The following DMBT1 variants were observed in gnomAD, a reference collection of about 807,000 sequenced individuals.
DMBT1 encodes scavenger receptor cysteine-rich domain-containing protein DMBT1.
DMBT1 carries 198 observed loss-of-function variants against 252.9 expected under a neutral mutation model. The ratio of observed to expected loss-of-function variants is 0.78; its 90% confidence interval spans 0.70 to 0.88. The LOEUF (loss-of-function observed/expected upper bound fraction) is 0.88. Among genes scored for constraint, DMBT1 ranks in the 40% least tolerant of loss-of-function variants. The pLI is 0.00. For synonymous variants in DMBT1, 990 were observed against 942.7 expected (o/e 1.05, Z -0.92); for missense variants, 2,432 against 2,404.7 (o/e 1.01, Z -0.24).
intron 51 of DMBT1, 75 bp from the exon 52 acceptor site, chr10:122,633,116 A>C (rs1230496210): frequency 1.3e-6 from 2 of 1,547,016 alleles, no homozygotes; most frequent in Non-Finnish European, 1.7e-6. Flanking sequence ...AGTAATTTAA[A>C]TTTAAAGTAG....
intron 25 of DMBT1, 116 bp from the exon 26 acceptor site, chr10:122,598,658 G>A: frequency 6.4e-7 from 1 of 1,565,186 alleles, no homozygotes; most frequent in Admixed American, 1.8e-5. Flanking sequence ...CATATTCAAA[G>A]GTGACTGCCT....
rs1330101358 is a variant in DMBT1, at chr10:122,640,395, C to T, written c.7298C>T (p.Ala2433Val). 1 of 1,614,008 alleles carries T rather than the reference C, an allele frequency of 6.2e-7. No homozygotes were observed. The highest frequency in any genetic ancestry group is 1.1e-5 in the South Asian group (1 of 91,082). The change falls in exon 55 of 56, where the codon GCA becomes GTA. Residue 2433 changes from alanine (A) to valine (V), a missense_variant. This residue lies in a region of DMBT1 where 1,162 missense variants were observed against 1,169.0 expected (regional missense o/e 0.99). Transcript: ENST00000338354. Reference protein sequence around the residue: ...VLTLFVDTCVASPYSNDFTSL... With the variant: ...VLTLFVDTCVVSPYSNDFTSL... The stretch of plus-strand genomic sequence containing the variant: ...ACCTTGTTTGTGGACACCTGCGTGG[C>T]ATCACCATACTCCAATGACTTCACG...
chr10:122,624,400 G>A (rs2098099666), intron 44 of DMBT1, among the ~76,000 whole-genome samples: 1 of 152,212 alleles, frequency 6.6e-6, no homozygotes, highest in Admixed American at 6.5e-5. Flanking sequence ...TTCCGTCAAT[G>A]TCTATGCTGC....
chr10:122,618,704 C>A (rs914898792), intron 41 of DMBT1, among the ~76,000 whole-genome samples: 2 of 152,216 alleles, frequency 1.3e-5, no homozygotes, highest in Non-Finnish European at 2.9e-5. Flanking sequence ...GGGAGGGATC[C>A]TCTCACTACA....
intron 19 of DMBT1, among the ~76,000 whole-genome samples, chr10:122,591,798 C>A (rs1299120439): frequency 6.7e-6 from 1 of 149,210 alleles, no homozygotes; most frequent in Non-Finnish European, 1.5e-5. Flanking sequence ...ACTCCTGGGA[C>A]CTCATTCCTG....
chr10:122,600,007 A>C, intron 26 of DMBT1, 57 bp from the exon 27 acceptor site: 2 of 1,590,878 alleles, frequency 1.3e-6, no homozygotes, highest in Non-Finnish European at 1.7e-6. Flanking sequence ...TCCTCGTTCC[A>C]CTTTGCCGAC....
intron 1 of DMBT1, among the ~76,000 whole-genome samples, chr10:122,562,889 A>G (rs1364732008): frequency 6.6e-6 from 1 of 152,222 alleles, no homozygotes; most frequent in African/African-American, 2.4e-5. Flanking sequence ...TGAGGCTCAG[A>G]AAGGTTATTG....
At chr10:122,572,129 G>T (rs2981800) in intron 4 of DMBT1, among the ~76,000 whole-genome samples, 185 bp from the exon 5 acceptor site, 97,339 of 152,032 alleles carry the variant, frequency 0.64, 31,642 homozygotes, top group Admixed American at 0.73. Flanking sequence ...TGCTTGTGCG[G>T]CACCTTGGCC....
At chr10:122,639,719 C>T (rs2133699341) in intron 54 of DMBT1, among the ~76,000 whole-genome samples, 1 of 152,308 alleles carries the variant, frequency 6.6e-6, no homozygotes, top group Middle Eastern at 3.4e-3. Flanking sequence ...TTTATTGTGA[C>T]AACTGTTGGC....
Position 122,633,228 on chromosome 10 carries a change from A to G in DMBT1, c.6435A>G (p.Ser2145=). Residue 2145 remains serine, a synonymous_variant, in exon 52 of 56, where the codon TCA becomes TCG. Transcript: ENST00000338354. The part of the protein sequence containing the change: ...YSCGGFLSQP[S]GDFSSPFYPG... ...GCGGAGGCTTCCTATCCCAACCATC[A>G]GGGGACTTTTCCAGCCCATTCTATC... The G allele has an allele frequency of 6.2e-7, 1 of 1,614,038 alleles. No homozygotes were observed. Among genetic ancestry groups the G allele is most frequent in the Non-Finnish European group, 8.5e-7 (1 of 1,179,890 alleles).
At chr10:122,575,338 T>C (rs1373636919) in intron 6 of DMBT1, among the ~76,000 whole-genome samples, 1 of 152,158 alleles carries the variant, frequency 6.6e-6, no homozygotes, top group Admixed American at 6.5e-5. Flanking sequence ...TACAGAAATA[T>C]TTCCTCCCCA....
In DMBT1 at chr10:122,599,400, C is replaced by T. The variant is rs575020418; in HGVS notation, c.3280+303C>T. On this transcript the variant is annotated intron_variant, in intron 26 of 55. Coordinates refer to ENST00000338354, the MANE Select transcript of DMBT1 (RefSeq NM_001377530.1). ...TCCATTTCTCCCCTGCTGAGTAGCA[C>T]GGTGTGAGGGTATAATGGATGCAGG... 2.2e-3 allele frequency among the ~76,000 whole-genome samples: 335 copies of T among 152,234 alleles called. 1 individual carries two copies. The highest frequency in any genetic ancestry group is 7.4e-3 in the African/African-American group (306 of 41,544).
chr10:122,564,583 C>T (rs1004683273), intron 1 of DMBT1, among the ~76,000 whole-genome samples: 36 of 150,696 alleles, frequency 2.4e-4, no homozygotes, highest in Admixed American at 4.6e-4. Flanking sequence ...GTATCACATA[C>T]ATTTTGGTAT....
intron 5 of DMBT1, 129 bp from the exon 6 acceptor site, chr10:122,573,576 ACATGGTTGGC>A: frequency 9.5e-7 from 1 of 1,056,834 alleles, no homozygotes; most frequent in Non-Finnish European, 1.4e-6. Context: ...AGCGATTGGC[ACATGGTTGGC>A]TTTTAGCAAT....
intron 50 of DMBT1, 122 bp downstream of exon 50, chr10:122,631,997 C>A: frequency 8.8e-7 from 1 of 1,142,828 alleles, no homozygotes; most frequent in Non-Finnish European, 1.3e-6. Flanking sequence ...CCATCCTCTA[C>A]AGCCCCTGTC....
chr10:122,641,276 T>C (rs931381358), intron 55 of DMBT1, among the ~76,000 whole-genome samples: 1 of 152,182 alleles, frequency 6.6e-6, no homozygotes, highest in African/African-American at 2.4e-5. Context: ...GATGACACCA[T>C]GATGTGCAAC....
rs1187881314 is a variant in DMBT1 at position 122,637,154 on chromosome 10, C to T, written c.6784C>T (p.Gln2262Ter). The T allele has an allele frequency of 6.2e-7, 1 of 1,613,846 alleles. No individual in the cohort carries two copies. Among genetic ancestry groups the T allele is most frequent in the African/African-American group, 1.3e-5 (1 of 74,918 alleles). ...TNLLCLPNHM[Q>*]ASVSRSYLQS... ...CCTGCTCTGTCTGCCAAATCACATG[C>T]AAGCCAGTGTGAGCAGGAGCTATCT... The change falls in exon 54 of 56, where the codon CAA (glutamine) becomes TAA (stop). Residue 2262 changes from glutamine (Q) to a stop codon, truncating the protein, a stop_gained. Transcript: ENST00000338354. LOFTEE classifies it high-confidence loss of function.
rs373679456 is a variant in DMBT1, at chr10:122,640,411, T to A, written c.7314T>A (p.Asn2438Lys). The change falls in exon 55 of 56, where the codon AAT (asparagine) becomes AAA (lysine). Residue 2438 changes from asparagine to lysine, a missense_variant. By Grantham distance (94) the Asn-to-Lys change is moderately conservative. Coordinates refer to ENST00000338354, the MANE Select transcript of DMBT1 (RefSeq NM_001377530.1). Reference protein sequence around the residue: ...VDTCVASPYSNDFTSLTYDLI... With the variant: ...VDTCVASPYSKDFTSLTYDLI... ...CCTGCGTGGCATCACCATACTCCAATGACTTCACGTCTTTGACTTATGATC... is the reference window on the plus strand; with the variant it reads ...CCTGCGTGGCATCACCATACTCCAAAGACTTCACGTCTTTGACTTATGATC... 1.9e-6 allele frequency: 3 copies of A among 1,613,816 alleles called. No homozygotes were observed. Among genetic ancestry groups the A allele is most frequent in the Admixed American group, 1.7e-5 (1 of 60,006 alleles).
intron 46 of DMBT1, 75 bp downstream of exon 46, chr10:122,626,040 T>C: frequency 8.2e-7 from 1 of 1,222,438 alleles, no homozygotes; most frequent in Non-Finnish European, 1.2e-6. Flanking sequence ...CATGAGCGAA[T>C]GCTCTGCCCC....
Sources: allele counts gnomAD v4.1 joint callset (sites outside exome capture counted in the v4.1 genomes callset), GRCh38; gene constraint gnomAD v4.1.1; regional missense constraint gnomAD v4.1.1; transcripts MANE v1.5; gene names NCBI Gene and HGNC (gene_info 2026-07-23, HGNC 2026-07-21).